The following ALLC variants were observed in gnomAD, a reference collection of about 807,000 sequenced individuals.
ALLC encodes allantoicase.
Under a neutral mutation model 45.0 loss-of-function variants are expected in ALLC, and 40 were observed. The observed-to-expected ratio is 0.89, with a 90% CI of 0.69 to 1.16. The LOEUF (loss-of-function observed/expected upper bound fraction) is 1.16, where lower values mean the gene tolerates loss of function less well. Among genes scored for constraint, ALLC ranks in the 50% most tolerant of loss-of-function variants. ALLC has a pLI of 0.00. For synonymous variants in ALLC, 176 were observed against 178.1 expected (o/e 0.99, Z 0.09); for missense variants, 488 against 493.1 (o/e 0.99, Z 0.10).
At chr2:3,654,764 G>T (rs537224831), upstream of ALLC, among the ~76,000 whole-genome samples, 1 of 152,354 alleles carries the variant, frequency 6.6e-6, no homozygotes, top group African/African-American at 2.4e-5. Context: ...TTCTCAGTCA[G>T]TTCTGGACTT....
chr2:3,663,174 T>C (rs1666617180), intron 1 of ALLC, among the ~76,000 whole-genome samples: 1 of 152,118 alleles, frequency 6.6e-6, no homozygotes, highest in African/African-American at 2.4e-5. Flanking sequence ...AGAACCAACC[T>C]AAATGCTCAT....
chr2:3,697,208 A>T, intron 9 of ALLC, 140 bp from the exon 10 acceptor site: 1 of 581,620 alleles, frequency 1.7e-6, no homozygotes, highest in South Asian at 2.6e-5. Context: ...AAAGTGATTT[A>T]CACATCAGGC....
chr2:3,671,181 A>G lies in ALLC; in HGVS notation c.24A>G (p.Val8=). 7 of 1,611,232 alleles carry G rather than the reference A, an allele frequency of 4.3e-6. No homozygotes were observed. Among genetic ancestry groups the G allele is most frequent in the Non-Finnish European group, 5.1e-6 (6 of 1,178,868 alleles). Residue 8 remains valine, a synonymous_variant, in exon 2 of 12, where the codon GTA becomes GTG. Transcript: ENST00000252505. MDMASES[V]GGKILFATDD... ...TGATGGACATGGCATCTGAATCCGT[A>G]GGAGGAAAAGTAAGTGGGTCTCTCA...
intron 7 of ALLC, among the ~76,000 whole-genome samples, chr2:3,685,226 A>T (rs1487698557): frequency 7.4e-6 from 1 of 134,298 alleles, no homozygotes; most frequent in Admixed American, 7.2e-5. Context: ...GCTAGCATCC[A>T]CTATTCCCCC....
chr2:3,652,191 C>A, the ALLC span, among the ~76,000 whole-genome samples: 1 of 152,252 alleles, frequency 6.6e-6, no homozygotes, highest in African/African-American at 2.4e-5. Context: ...TGCAAGGGCC[C>A]CTCGGCTGCC....
Position 3,702,416 on chromosome 2 carries a change from T to G in ALLC, c.1029T>G (p.Asp343Glu). 6.2e-7 allele frequency: 1 copy of G among 1,613,274 alleles called. No individual in the cohort carries two copies. The highest frequency in any genetic ancestry group is 8.5e-7 in the Non-Finnish European group (1 of 1,179,826). The change falls in exon 12 of 12, where the codon GAT (aspartate) becomes GAG (glutamate). Residue 343 changes from aspartate (D) to glutamate (E), a missense_variant. By Grantham distance (45) the Asp-to-Glu change is conservative (BLOSUM62 2). Transcript: ENST00000252505. ...LFDSLTLELQ[D>E]VITHARLTIV... ...ATAGCCTGACCCTAGAGCTCCAAGA[T>G]GTCATCACTCACGCCAGGCTCACCA...
At chr2:3,664,947 T>C (rs1572505492) in intron 1 of ALLC, among the ~76,000 whole-genome samples, 1 of 151,632 alleles carries the variant, frequency 6.6e-6, no homozygotes, top group African/African-American at 2.4e-5. Flanking sequence ...TCGATTTCAT[T>C]TGGAAACACA....
At chr2:3,649,304 C>G in the ALLC span, among the ~76,000 whole-genome samples, 3 of 148,748 alleles carry the variant, frequency 2.0e-5, no homozygotes, top group East Asian at 2.0e-4. Flanking sequence ...TGCAGTGGTG[C>G]GATCTCGGCT....
chr2:3,688,090 A>G (rs1191198836), intron 7 of ALLC: 1 of 154,004 alleles, frequency 6.5e-6, no homozygotes, highest in Admixed American at 6.6e-5. Flanking sequence ...CATTGAGGGA[A>G]ATGCCAGCCC....
At chr2:3,672,293 C>G (rs1408079138) in intron 2 of ALLC, among the ~76,000 whole-genome samples, 2 of 110,576 alleles carry the variant, frequency 1.8e-5, no homozygotes, top group African/African-American at 7.5e-5. Context: ...GGTCCTCTGG[C>G]TCTGGTTAGA....
chr2:3,653,675 G>A (rs925561416), upstream of ALLC, among the ~76,000 whole-genome samples: 11 of 152,106 alleles, frequency 7.2e-5, no homozygotes, highest in Admixed American at 2.0e-4. The surrounding 1 kb of genome is among the most constrained non-coding windows in gnomAD (Gnocchi z 4.1). Context: ...AGACCACACC[G>A]AGATGCTCTG....
At chr2:3,648,812 C>A in the ALLC span, among the ~76,000 whole-genome samples, 1 of 152,230 alleles carries the variant, frequency 6.6e-6, no homozygotes, top group Non-Finnish European at 1.5e-5. Context: ...TGGGACACGA[C>A]TTCAAGTGAC....
chr2:3,702,454 G>T lies in ALLC; in HGVS notation c.1067G>T (p.Gly356Val). The T allele has an allele frequency of 1.2e-6, 2 of 1,612,864 alleles. No homozygotes were observed. The highest frequency in any genetic ancestry group is 1.1e-5 in the South Asian group (1 of 91,026). Residue 356 changes from glycine (G) to valine (V), a missense_variant, in exon 12 of 12, where the codon GGG becomes GTG. By Grantham distance (109) the Gly-to-Val change is moderately radical. Coordinates refer to ENST00000252505, the MANE Select transcript of ALLC (RefSeq NM_018436.4). ...THARLTIVPDGGVSRLRLRGF... is the reference protein window; with the variant it reads ...THARLTIVPDVGVSRLRLRGF... Reference sequence around the variant, plus strand: ...GCCAGGCTCACCATCGTCCCCGACGGGGGAGTGAGCCGCCTTCGGCTCCGG... The same window carrying T: ...GCCAGGCTCACCATCGTCCCCGACGTGGGAGTGAGCCGCCTTCGGCTCCGG...
At chr2:3,656,046 A>G (rs1349779660), upstream of ALLC, among the ~76,000 whole-genome samples, 1 of 152,234 alleles carries the variant, frequency 6.6e-6, no homozygotes, top group African/African-American at 2.4e-5. Flanking sequence ...TTGTGCCTGA[A>G]GAGTGGACAT....
chr2:3,693,617 C>T (rs957277202), intron 7 of ALLC, among the ~76,000 whole-genome samples: 3 of 152,198 alleles, frequency 2.0e-5, no homozygotes, highest in African/African-American at 7.2e-5. Context: ...TTTTTGTACA[C>T]CTGACACTTA....
chr2:3,694,407 TG>T (rs1667603592), intron 7 of ALLC, among the ~76,000 whole-genome samples: 1 of 152,170 alleles, frequency 6.6e-6, no homozygotes, highest in Admixed American at 6.5e-5. Context: ...AGGGACACAC[TG>T]GGTGGGAATG....
Position 3,679,413 on chromosome 2 carries a change from G to A in ALLC, c.173-456G>A, listed in dbSNP as rs73910327. 8.6e-3 allele frequency among the ~76,000 whole-genome samples: 1,311 copies of A among 152,324 alleles called. 16 individuals are homozygous for A. The highest frequency in any genetic ancestry group is 0.03 in the African/African-American group (1,233 of 41,562). On this transcript the variant is annotated intron_variant, in intron 4 of 11. Transcript: ENST00000252505. ...TGAGCTTGAGAGGACAATGAACACAGTGTCTGCAGGAGAACCAGCTCTGCT... is the reference window on the plus strand; with the variant it reads ...TGAGCTTGAGAGGACAATGAACACAATGTCTGCAGGAGAACCAGCTCTGCT...
At chr2:3,655,945 C>A (rs139775720), upstream of ALLC, among the ~76,000 whole-genome samples, 69 of 152,006 alleles carry the variant, frequency 4.5e-4, no homozygotes, top group African/African-American at 1.6e-3. Flanking sequence ...GCCTGTTGCC[C>A]GCTCCGGTGG....
At chr2:3,646,612 C>T in the ALLC span, among the ~76,000 whole-genome samples, 3 of 152,210 alleles carry the variant, frequency 2.0e-5, no homozygotes, top group South Asian at 2.1e-4. Flanking sequence ...GCAGGTGCCG[C>T]TGCCTCGCCT....
Sources: gnomAD v4.1 joint callset for allele counts (sites outside exome capture counted in the v4.1 genomes callset) on GRCh38, gnomAD v4.1.1 for gene constraint, Gnocchi (gnomAD v3.1) non-coding constraint, MANE v1.5 for transcripts, NCBI Gene and HGNC (gene_info 2026-07-23, HGNC 2026-07-21) for gene names.